The following C17orf113 variants were observed in gnomAD, a reference collection of about 807,000 sequenced individuals.
C17orf113 encodes the protein uncharacterized protein C17orf113.
In C17orf113, 5 loss-of-function variants were observed where a neutral mutation model predicts 11.6. The ratio of observed to expected loss-of-function variants is 0.43; its 90% confidence interval spans 0.23 to 0.91. C17orf113 has a LOEUF of 0.91. C17orf113 is among the 40% of genes least tolerant of loss of function. The probability of loss-of-function intolerance (pLI) is 0.26; values close to 1 mark genes in which losing one functional copy is unlikely to be tolerated. For missense variants in C17orf113, 714 were observed against 841.3 expected, an observed-to-expected ratio of 0.85 and a Z score of 1.87; for synonymous variants, 327 against 390.6, an observed-to-expected ratio of 0.84 and a Z score of 1.92.
chr17:42,049,950 ATC>A, intron 1 of C17orf113, among the ~76,000 whole-genome samples: 1 of 152,258 alleles, frequency 6.6e-6, no homozygotes, highest in Non-Finnish European at 1.5e-5. Flanking sequence ...GCACATTTAC[ATC>A]ATCCCAGAAA....
chr17:42,043,518 A>C lies in C17orf113; in HGVS notation c.-142T>G. On this transcript the variant is annotated 5_prime_UTR_variant, in exon 2 of 3. It removes an upstream start codon present in the reference 5' UTR. Transcript: ENST00000587304. ...GCAGCCCGCCAGGCTAACAGGGCCC[A>C]TCCATCTAAGCCTGGAGAGTTTATT... The C allele has an allele frequency of 1.7e-6, 1 of 589,906 alleles. No homozygotes were observed. Among genetic ancestry groups the C allele is most frequent in the Non-Finnish European group, 2.5e-6 (1 of 402,300 alleles). 36.5% of individuals were successfully genotyped at this position (589,906 alleles called of 1,614,324 possible).
rs2052973000 is a variant in C17orf113, at chr17:42,040,006, GGGCCGAGCCGCCCAA to G, written c.1712_1726del (p.Leu571_Gly575del). Reference sequence around the variant, plus strand: ...CGCCAGCTGGGTGCACAGGGCCCGCGGGCCGAGCCGCCCAAGGCCGAATACTACGCGCTTAAACAG... The same window carrying G: ...CGCCAGCTGGGTGCACAGGGCCCGCGGGCCGAATACTACGCGCTTAAACAG... On this transcript the variant is annotated inframe_deletion, in exon 3 of 3. Coordinates refer to ENST00000587304, the MANE Select transcript of C17orf113 (RefSeq NM_001358661.2). 1 of 1,230,906 alleles carries G rather than the reference GGGCCGAGCCGCCCAA, an allele frequency of 8.1e-7. No homozygotes were observed. Among genetic ancestry groups the G allele is most frequent in the Admixed American group, 4.2e-5 (1 of 23,680 alleles). The allele number at this position is 1,230,906 out of a possible 1,614,324, so 76.2% of individuals were successfully genotyped here. A position where few individuals can be genotyped will look rare whatever the true frequency, so the allele number is the denominator to read the frequency against.
chr17:42,047,648 C>G (rs2053194506), intron 1 of C17orf113, among the ~76,000 whole-genome samples: 1 of 151,726 alleles, frequency 6.6e-6, no homozygotes, highest in African/African-American at 2.4e-5. Flanking sequence ...TCTTGGCCCT[C>G]TTCCTTGGGA....
chr17:42,044,307 CAAAAAAA>C (rs57246793), intron 1 of C17orf113, among the ~76,000 whole-genome samples: 5 of 70,542 alleles, frequency 7.1e-5, no homozygotes, highest in Admixed American at 1.6e-4. Context: ...GACCCTGTCT[CAAAAAAA>C]AAAAAAAAAA....
In C17orf113 at chr17:42,039,635, G is replaced by A. The variant is rs2052956436; in HGVS notation, c.*70C>T. On this transcript the variant is annotated 3_prime_UTR_variant, in exon 3 of 3. Transcript: ENST00000587304. ...AGCAGATCATCTTGGGTGCAGCATG[G>A]TCAAGTCTAGGTTGGCCCTTACAGT... is the stretch of plus-strand genomic sequence containing the variant. 8.3e-6 allele frequency: 10 copies of A among 1,205,618 alleles called. No homozygotes were observed. The highest frequency in any genetic ancestry group is 1.0e-5 in the Non-Finnish European group (10 of 964,038). The allele number at this position is 1,205,618 out of a possible 1,614,324, so 74.7% of individuals were successfully genotyped here.
chr17:42,050,109 T>C lies in C17orf113; in HGVS notation c.-188+448A>G, dbSNP rs1555656969. Among the ~76,000 whole-genome samples, 2 of 152,316 alleles carry C rather than the reference T, an allele frequency of 1.3e-5. No homozygotes were observed. Among genetic ancestry groups the C allele is most frequent in the South Asian group, 2.1e-4 (1 of 4,830 alleles). ...ACCAAGGCTGACCAGGAGGGCACAC[T>C]TGCTGCAGACACAGGTCTCCTCTCA... On this transcript the variant is annotated intron_variant, in intron 1 of 2. Transcript: ENST00000587304. The surrounding 1 kb of genome is among the most constrained non-coding windows in gnomAD (Gnocchi z 5.6).
intron 1 of C17orf113, among the ~76,000 whole-genome samples, chr17:42,046,332 C>T (rs1229322721): frequency 6.6e-6 from 1 of 152,162 alleles, no homozygotes; most frequent in Non-Finnish European, 1.5e-5. Flanking sequence ...GTGGCTCACA[C>T]CTGTAATCTC....
Position 42,041,093 on chromosome 17 carries a change from C to G in C17orf113, c.640G>C (p.Glu214Gln). The change falls in exon 3 of 3, where the codon GAG (glutamate) becomes CAG (glutamine). Residue 214 changes from glutamate to glutamine, a missense_variant. Physicochemically the swap from Glu to Gln is conservative, Grantham distance 29. Around this residue, in one of 3 missense-constraint regions of C17orf113, gnomAD observed 516 missense variants for 626.6 expected, o/e 0.82. Transcript: ENST00000587304. ...GCAAACAGGGCCAGGCTGTGTGACT[C>G]CGGCCAGTCTCTGGTCTCGTCCAAC... The part of the protein sequence containing the change: ...LVLDETRDWP[E>Q]SHSLALFATS... The G allele has an allele frequency of 8.1e-7, 1 of 1,232,336 alleles. No individual in the cohort carries two copies. Among genetic ancestry groups the G allele is most frequent in the East Asian group, 3.2e-5 (1 of 31,712 alleles). The allele number at this position is 1,232,336 out of a possible 1,614,324, so 76.3% of individuals were successfully genotyped here.
Position 42,048,422 on chromosome 17 carries a change from A to G in C17orf113, c.-188+2135T>C, listed in dbSNP as rs1333737090. Among the ~76,000 whole-genome samples the G allele has an allele frequency of 4.6e-5, 7 of 151,702 alleles. No homozygotes were observed. In the East Asian group the frequency reaches 9.7e-4, roughly 21 times the overall value. ...TAGCCGGTCATGGTGGCATATGCCT[A>G]TAGTCCCAGCTACTCGGGAAGCTGA... is the stretch of plus-strand genomic sequence containing the variant. On this transcript the variant is annotated intron_variant, in intron 1 of 2. Coordinates refer to ENST00000587304, the MANE Select transcript of C17orf113 (RefSeq NM_001358661.2).
intron 1 of C17orf113, among the ~76,000 whole-genome samples, chr17:42,045,617 G>C (rs577590189): frequency 1.4e-4 from 22 of 152,336 alleles, no homozygotes; most frequent in African/African-American, 5.3e-4. Context: ...CCCAAAGGCT[G>C]TACTGAGACC....
chr17:42,049,760 C>T (rs1555656947), intron 1 of C17orf113, among the ~76,000 whole-genome samples: 1 of 152,198 alleles, frequency 6.6e-6, no homozygotes, highest in African/African-American at 2.4e-5. Flanking sequence ...TAGGTAGAGC[C>T]CAGGAAGGTG....
chr17:42,041,266 G>C, intron 2 of C17orf113, 77 bp from the exon 3 acceptor site: 27 of 1,183,352 alleles, frequency 2.3e-5, no homozygotes, highest in Non-Finnish European at 2.9e-5. Flanking sequence ...GCAGTGCGGG[G>C]TGGTGGAAAG....
At chr17:42,047,395 G>A (rs1186073567) in intron 1 of C17orf113, among the ~76,000 whole-genome samples, 12 of 151,712 alleles carry the variant, frequency 7.9e-5, no homozygotes, top group Non-Finnish European at 1.6e-4. Flanking sequence ...GGCTGATCTC[G>A]AACTCCCGAC....
At position 42,047,354 on chromosome 17, in the gene C17orf113, T is replaced by C. The variant is rs182557975; in HGVS notation, c.-188+3203A>G. 4.9e-3 allele frequency among the ~76,000 whole-genome samples: 739 copies of C among 152,168 alleles called. 5 individuals carry two copies. Among genetic ancestry groups the C allele is most frequent in the African/African-American group, 0.017 (697 of 41,518 alleles). On this transcript the variant is annotated intron_variant, in intron 1 of 2. Coordinates refer to ENST00000587304, the MANE Select transcript of C17orf113 (RefSeq NM_001358661.2). ...GCCCCGGCTAATTTTTTTGAATTTT[T>C]AGTAGAGACGGGGTTTCACCGTGTT... is the stretch of plus-strand genomic sequence containing the variant.
At position 42,041,189 on chromosome 17, in the gene C17orf113, C is replaced by G; in HGVS notation, c.544G>C (p.Val182Leu). The part of the protein sequence containing the change: ...YSPRRVRDMQ[V>L]AIASVLHTEA... ...GTGTGCAAGACACTGGCAATGGCCACCTGGGACAGCCAGGGAAAGAAAGGG... is the reference window on the plus strand; with the variant it reads ...GTGTGCAAGACACTGGCAATGGCCAGCTGGGACAGCCAGGGAAAGAAAGGG... The change falls in exon 3 of 3, where the codon GTG becomes CTG. Residue 182 changes from valine to leucine, a missense_variant and splice_region_variant. Physicochemically the swap from Val to Leu is conservative, Grantham distance 32 (BLOSUM62 1). Transcript: ENST00000587304. 8.1e-7 allele frequency: 1 copy of G among 1,232,518 alleles called. No individual in the cohort carries two copies. Among genetic ancestry groups the G allele is most frequent in the Non-Finnish European group, 1.0e-6 (1 of 988,218 alleles). The allele number at this position is 1,232,518 out of a possible 1,614,324, so 76.3% of individuals were successfully genotyped here. A position where few individuals can be genotyped will look rare whatever the true frequency, so the allele number is the denominator to read the frequency against.
rs1373560104 is a variant in C17orf113 at position 42,039,537 on chromosome 17, C to A, written c.*168G>T. On this transcript the variant is annotated 3_prime_UTR_variant, in exon 3 of 3. Coordinates refer to ENST00000587304, the MANE Select transcript of C17orf113 (RefSeq NM_001358661.2). The stretch of plus-strand genomic sequence containing the variant: ...AGCCAGTCCCTTCCTCCACAGCCCA[C>A]AGGGTGGGGGGGGTTGGTGGGAAGC... 1.7e-5 allele frequency: 7 copies of A among 404,826 alleles called. No individual in the cohort carries two copies. The highest frequency in any genetic ancestry group is 1.3e-4 in the Admixed American group (1 of 7,606). The allele number at this position is 404,826 out of a possible 1,614,324, so 25.1% of individuals were successfully genotyped here.
At position 42,043,390 on chromosome 17, in the gene C17orf113, G is replaced by C; in HGVS notation, c.-14C>G. On this transcript the variant is annotated 5_prime_UTR_variant, in exon 2 of 3. Coordinates refer to ENST00000587304, the MANE Select transcript of C17orf113 (RefSeq NM_001358661.2). ...TGGGGGCACCATTCTTGCTCTCTCAGCAAGGAACCCCCAACCCCCACCTGA... is the reference window on the plus strand; with the variant it reads ...TGGGGGCACCATTCTTGCTCTCTCACCAAGGAACCCCCAACCCCCACCTGA... 3 of 1,232,164 alleles carry C rather than the reference G, an allele frequency of 2.4e-6. No homozygotes were observed. The highest frequency in any genetic ancestry group is 3.0e-6 in the Non-Finnish European group (3 of 988,016). 76.3% of individuals were successfully genotyped at this position (1,232,164 alleles called of 1,614,324 possible).
In C17orf113 at chr17:42,039,947, C is replaced by A; in HGVS notation, c.1786G>T (p.Asp596Tyr). ...GCCAAGGCGGCTAGGGCGGCGAAGT[C>A]GGGGAAGAGCTCGTGCAGCTCCGAG... Reference protein sequence around the residue: ...AHSELHELFPDFAALAALALA... With the variant: ...AHSELHELFPYFAALAALALA... Residue 596 changes from aspartate to tyrosine, a missense_variant, in exon 3 of 3, where the codon GAC (aspartate) becomes TAC (tyrosine). By Grantham distance (160) the Asp-to-Tyr change is radical. Coordinates refer to ENST00000587304, the MANE Select transcript of C17orf113 (RefSeq NM_001358661.2). 1 of 1,231,182 alleles carries A rather than the reference C, an allele frequency of 8.1e-7. No homozygotes were observed. Among genetic ancestry groups the A allele is most frequent in the Non-Finnish European group, 1.0e-6 (1 of 987,560 alleles). 76.3% of individuals were successfully genotyped at this position (1,231,182 alleles called of 1,614,324 possible).
At position 42,040,144 on chromosome 17, in the gene C17orf113, G is replaced by C. The variant is rs1369560116; in HGVS notation, c.1589C>G (p.Pro530Arg). 1 of 1,231,346 alleles carries C rather than the reference G, an allele frequency of 8.1e-7. No homozygotes were observed. Among genetic ancestry groups the C allele is most frequent in the East Asian group, 3.2e-5 (1 of 31,714 alleles). 76.3% of individuals were successfully genotyped at this position (1,231,346 alleles called of 1,614,324 possible). The change falls in exon 3 of 3, where the codon CCG becomes CGG. Residue 530 changes from proline to arginine, a missense_variant. By Grantham distance (103) the Pro-to-Arg change is moderately radical. This residue lies in a region of C17orf113 where 194 missense variants were observed against 197.2 expected (regional missense o/e 0.98). Transcript: ENST00000587304. ...IFDPRRYPQA[P>R]EELGTHGEGA... is the part of the protein sequence containing the mutation. Reference sequence around the variant, plus strand: ...CTCGCCATGCGTGCCCAGCTCCTCCGGCGCCTGCGGGTAGCGTCGGGGGTC... The same window carrying C: ...CTCGCCATGCGTGCCCAGCTCCTCCCGCGCCTGCGGGTAGCGTCGGGGGTC...
Sources: gnomAD v4.1 joint callset for allele counts (sites outside exome capture counted in the v4.1 genomes callset) on GRCh38, gnomAD v4.1.1 for gene constraint, gnomAD v4.1.1 regional missense constraint, Gnocchi (gnomAD v3.1) non-coding constraint, MANE v1.5 for transcripts, NCBI Gene and HGNC (gene_info 2026-07-23, HGNC 2026-07-21) for gene names.